HHIP: variants seen among roughly 807,000 people sequenced by gnomAD.
HHIP encodes the protein hedgehog interacting protein.
HHIP carries 12 observed loss-of-function variants against 74.0 expected under a neutral mutation model. The observed-to-expected ratio is 0.16, with a 90% CI of 0.10 to 0.26. The LOEUF is 0.26. Ranked by LOEUF, HHIP falls within the 10% of genes least tolerant of loss-of-function variation. The probability of loss-of-function intolerance (pLI) is 1.00; values close to 1 mark genes in which losing one functional copy is unlikely to be tolerated. For missense variants in HHIP, 788 were observed against 845.0 expected (o/e 0.93, Z 0.84); for synonymous variants, 309 against 311.6 (o/e 0.99, Z 0.09).
intron 4 of HHIP, among the ~76,000 whole-genome samples, chr4:144,670,764 G>GAAAAAAAAAAAAAAAAAAAAAAAA (rs1167213848): frequency 7.3e-5 from 4 of 54,890 alleles, no homozygotes; most frequent in Non-Finnish European, 9.5e-5. Context: ...CTTAAGATTT[G>GAAAAAAAAAAAAAAAAAAAAAAAA]AAAAAAAAAA....
intron 7 of HHIP, 147 bp downstream of exon 7, chr4:144,708,458 C>T (rs1336820807): frequency 2.9e-6 from 2 of 694,728 alleles, no homozygotes; most frequent in Non-Finnish European, 4.8e-6. Flanking sequence ...CAGGTCATTA[C>T]TCAAGTGAGT....
chr4:144,715,581 A>T, intron 10 of HHIP, 151 bp downstream of exon 10: 1 of 533,536 alleles, frequency 1.9e-6, no homozygotes, highest in East Asian at 3.2e-5. Flanking sequence ...AGATTAAGAT[A>T]GTCCAGTTAC....
intron 4 of HHIP, among the ~76,000 whole-genome samples, chr4:144,677,603 C>T (rs1268889932): frequency 3.9e-5 from 6 of 152,270 alleles, no homozygotes; most frequent in Middle Eastern, 3.4e-3. Context: ...AAGGGGAAAT[C>T]GAGGTGTTGT....
intron 8 of HHIP, among the ~76,000 whole-genome samples, chr4:144,713,403 A>G (rs375438785): frequency 6.6e-6 from 1 of 152,102 alleles, no homozygotes; most frequent in Non-Finnish European, 1.5e-5. Context: ...CCATAATCAC[A>G]TGGGAGGGTA....
At chr4:144,679,032 C>G (rs1356110349) in intron 4 of HHIP, among the ~76,000 whole-genome samples, 7 of 152,218 alleles carry the variant, frequency 4.6e-5, no homozygotes, top group Admixed American at 1.3e-4. Context: ...CACATCCTCT[C>G]CAGCATCTGT....
intron 4 of HHIP, among the ~76,000 whole-genome samples, chr4:144,693,503 C>T (rs2126637619): frequency 6.6e-6 from 1 of 152,188 alleles, no homozygotes; most frequent in Middle Eastern, 3.4e-3. Flanking sequence ...AAAACGTGAA[C>T]AGCTGGACAC....
intron 6 of HHIP, among the ~76,000 whole-genome samples, chr4:144,707,881 G>A (rs182768801): frequency 3.6e-4 from 55 of 152,096 alleles, no homozygotes; most frequent in African/African-American, 1.2e-3. Flanking sequence ...CAAGAGATCC[G>A]CCTGGCCGCA....
At chr4:144,731,475 A>G (rs1003870277) in intron 11 of HHIP, among the ~76,000 whole-genome samples, 1 of 152,102 alleles carries the variant, frequency 6.6e-6, no homozygotes, top group African/African-American at 2.4e-5. Flanking sequence ...GCTGGAGTGC[A>G]ATGGCATGAT....
At chr4:144,666,137 G>A (rs1425525935) in intron 4 of HHIP, among the ~76,000 whole-genome samples, 2 of 152,058 alleles carry the variant, frequency 1.3e-5, no homozygotes, top group Non-Finnish European at 2.9e-5. Context: ...TCCAGTGGCT[G>A]TATTACCTCA....
chr4:144,697,576 C>T (rs1466201942), intron 4 of HHIP, among the ~76,000 whole-genome samples: 3 of 151,992 alleles, frequency 2.0e-5, no homozygotes, highest in Non-Finnish European at 4.4e-5. Flanking sequence ...ATAAAAGGTA[C>T]AAGTCAATCC....
intron 10 of HHIP, among the ~76,000 whole-genome samples, chr4:144,716,657 G>A (rs113732144): frequency 0.02 from 3,052 of 151,962 alleles, 105 homozygotes; most frequent in African/African-American, 0.069. Flanking sequence ...AGACCAGCCT[G>A]GCCAACATGG....
chr4:144,682,929 G>A (rs1352746549), intron 4 of HHIP, among the ~76,000 whole-genome samples: 1 of 152,140 alleles, frequency 6.6e-6, no homozygotes, highest in Non-Finnish European at 1.5e-5. Context: ...TGTCTCAAAT[G>A]CAGATTTTGA....
chr4:144,680,383 C>T (rs538940465), intron 4 of HHIP, among the ~76,000 whole-genome samples: 1 of 152,286 alleles, frequency 6.6e-6, no homozygotes, highest in South Asian at 2.1e-4. Context: ...GCCATTCATT[C>T]AAATGATGGG....
At chr4:144,699,660 C>G (rs1729921627) in intron 4 of HHIP, among the ~76,000 whole-genome samples, 1 of 151,822 alleles carries the variant, frequency 6.6e-6, no homozygotes, top group Admixed American at 6.6e-5. Flanking sequence ...TAAAGCGGCT[C>G]CTTACAAATG....
In HHIP at chr4:144,740,220, T is replaced by C. The variant is rs935601756; in HGVS notation, c.*2263T>C. ...ATCTAAAAAAATCAAGCATTACTTC[T>C]TACATCTTTAAACTTTCCATCTCCT... On this transcript the variant is annotated 3_prime_UTR_variant, in exon 13 of 13. Transcript: ENST00000296575. 2 of 152,206 alleles carry C rather than the reference T, an allele frequency of 1.3e-5. No individual in the cohort carries two copies. Among genetic ancestry groups the C allele is most frequent in the Non-Finnish European group, 2.9e-5 (2 of 68,040 alleles). 9.4% of individuals were successfully genotyped at this position (152,206 alleles called of 1,614,324 possible).
chr4:144,731,533 C>T (rs1730954541), intron 11 of HHIP, among the ~76,000 whole-genome samples: 1 of 152,130 alleles, frequency 6.6e-6, no homozygotes. Flanking sequence ...AATTCTCCTG[C>T]CTCAGCCTCC....
At chr4:144,729,759 GCTGT>G (rs1453898880) in intron 11 of HHIP, among the ~76,000 whole-genome samples, 3 of 152,146 alleles carry the variant, frequency 2.0e-5, no homozygotes, top group Admixed American at 6.6e-5. Flanking sequence ...TAAACATAAA[GCTGT>G]CTAAGACAGG....
intron 4 of HHIP, among the ~76,000 whole-genome samples, chr4:144,665,918 T>A (rs1276978708): frequency 6.6e-6 from 1 of 152,162 alleles, no homozygotes; most frequent in Non-Finnish European, 1.5e-5. Context: ...TACCTAAGAT[T>A]TGAAGGGCAA....
intron 11 of HHIP, among the ~76,000 whole-genome samples, chr4:144,729,561 C>A (rs752151331): frequency 5.9e-5 from 9 of 152,224 alleles, no homozygotes; most frequent in Non-Finnish European, 1.2e-4. Flanking sequence ...GGGGTTAGAG[C>A]CTGAGATTCT....
Sources: allele counts gnomAD v4.1 joint callset (sites outside exome capture counted in the v4.1 genomes callset), GRCh38; gene constraint gnomAD v4.1.1; transcripts MANE v1.5; gene names NCBI Gene and HGNC (gene_info 2026-07-23, HGNC 2026-07-21).